The following PRKN variants were observed in gnomAD, a reference collection of about 807,000 sequenced individuals.
PRKN encodes parkin RBR E3 ubiquitin protein ligase, also known as E3 ubiquitin-protein ligase parkin.
Under a neutral mutation model 59.5 loss-of-function variants are expected in PRKN, and 56 were observed. The observed-to-expected ratio is 0.94, with a 90% CI of 0.76 to 1.18. The LOEUF (loss-of-function observed/expected upper bound fraction) is 1.18, where lower values mean the gene tolerates loss of function less well. Ranked by LOEUF, PRKN falls within the 50% of genes most tolerant of loss-of-function variation. The pLI is 0.00. For missense variants in PRKN, 657 were observed against 596.4 expected (o/e 1.10, Z -1.06); for synonymous variants, 250 against 222.1 (o/e 1.13, Z -1.12).
At position 161,379,417 on chromosome 6, in the gene PRKN, T is replaced by C. The variant is rs1440259443; in HGVS notation, c.1167+7377A>G. Among the ~76,000 whole-genome samples, 11 of 152,154 alleles carry C rather than the reference T, an allele frequency of 7.2e-5. No homozygotes were observed. Among genetic ancestry groups the C allele is most frequent in the Non-Finnish European group, 1.5e-4 (10 of 68,010 alleles). On this transcript the variant is annotated intron_variant, in intron 10 of 11. Coordinates refer to ENST00000366898, the MANE Select transcript of PRKN (RefSeq NM_004562.3). The surrounding 1 kb of genome is among the most constrained non-coding windows in gnomAD (Gnocchi z 4.9). ...ATAGTTTACCCTGCTAACCTTCCAT[T>C]TGTACATTTCTCCAGTCTCTCTCAT... is the stretch of plus-strand genomic sequence containing the variant.
chr6:162,113,855 G>A lies in PRKN; in HGVS notation c.535-59681C>T, dbSNP rs935225276. Reference sequence around the variant, plus strand: ...GGGTTTTTATGGTTTTAGGTCTAACGTTTAAGTCTTTAATCCATCTTGAAT... The same window carrying A: ...GGGTTTTTATGGTTTTAGGTCTAACATTTAAGTCTTTAATCCATCTTGAAT... On this transcript the variant is annotated intron_variant, in intron 4 of 11. Transcript: ENST00000366898. Among the ~76,000 whole-genome samples, 36 of 151,936 alleles carry A rather than the reference G, an allele frequency of 2.4e-4. 1 individual carries two copies. Among genetic ancestry groups the A allele is most frequent in the African/African-American group, 4.1e-4 (17 of 41,356 alleles).
chr6:162,492,604 G>T (rs923084192), intron 1 of PRKN, among the ~76,000 whole-genome samples: 1 of 152,020 alleles, frequency 6.6e-6, no homozygotes, highest in African/African-American at 2.4e-5. Context: ...GTCCAGACCA[G>T]CCTGGCATGG....
At chr6:161,946,287 C>T in intron 6 of PRKN, among the ~76,000 whole-genome samples, 1 of 151,844 alleles carries the variant, frequency 6.6e-6, no homozygotes, top group Non-Finnish European at 1.5e-5. Context: ...TAATTTATTT[C>T]CCTAGAAGAG....
At chr6:162,723,916 C>T (rs1332754140) in intron 1 of PRKN, among the ~76,000 whole-genome samples, 2 of 152,090 alleles carry the variant, frequency 1.3e-5, no homozygotes, top group Non-Finnish European at 2.9e-5. Context: ...CTAAGTGAAA[C>T]AAGGTATAGA....
intron 5 of PRKN, among the ~76,000 whole-genome samples, chr6:162,004,952 A>G (rs535053869): frequency 6.6e-6 from 1 of 152,350 alleles, no homozygotes; most frequent in South Asian, 2.1e-4. Context: ...GCAAAATACT[A>G]AACATATACA....
At chr6:162,052,370 T>G (rs2128284981) in intron 5 of PRKN, among the ~76,000 whole-genome samples, 1 of 152,302 alleles carries the variant, frequency 6.6e-6, no homozygotes, top group South Asian at 2.1e-4. Flanking sequence ...CTTTTATTTT[T>G]TAAACATATT....
chr6:162,115,668 G>C (rs189353056), intron 4 of PRKN, among the ~76,000 whole-genome samples: 23 of 151,802 alleles, frequency 1.5e-4, no homozygotes, highest in Admixed American at 1.4e-3. Flanking sequence ...CCAAATCAGA[G>C]GCCTTGAGTG....
chr6:162,364,078 C>T (rs1273785016), intron 2 of PRKN, among the ~76,000 whole-genome samples: 2 of 152,220 alleles, frequency 1.3e-5, no homozygotes, highest in African/African-American at 4.8e-5. Flanking sequence ...CCCCAAGACT[C>T]ACGTCTTCCA....
chr6:162,582,070 T>G (rs1156700076), intron 1 of PRKN, among the ~76,000 whole-genome samples: 1 of 152,188 alleles, frequency 6.6e-6, no homozygotes, highest in Non-Finnish European at 1.5e-5. Flanking sequence ...GTCAAGTCAT[T>G]TAAATTCCCT....
chr6:161,659,473 C>A (rs1211980996), intron 7 of PRKN, among the ~76,000 whole-genome samples: 1 of 152,120 alleles, frequency 6.6e-6, no homozygotes, highest in African/African-American at 2.4e-5. Context: ...GAGATTGAAG[C>A]ACAGAGCTTT....
At chr6:161,965,671 A>G (rs1256549352) in intron 6 of PRKN, among the ~76,000 whole-genome samples, 1 of 152,126 alleles carries the variant, frequency 6.6e-6, no homozygotes, top group Non-Finnish European at 1.5e-5. Flanking sequence ...GGCATGAGAC[A>G]TCAATCAAAC....
At chr6:162,305,545 A>G (rs1782182510) in intron 2 of PRKN, among the ~76,000 whole-genome samples, 1 of 152,160 alleles carries the variant, frequency 6.6e-6, no homozygotes, top group Non-Finnish European at 1.5e-5. Context: ...CTTTTAGACC[A>G]TGGGTCCAAA....
intron 2 of PRKN, among the ~76,000 whole-genome samples, chr6:162,376,925 G>C (rs1693725425): frequency 6.6e-6 from 1 of 151,666 alleles, no homozygotes; most frequent in Admixed American, 6.6e-5. Context: ...CGAGGAGAGA[G>C]GAGGAGGAAG....
intron 6 of PRKN, among the ~76,000 whole-genome samples, chr6:161,876,144 C>A (rs1195319905): frequency 4.0e-5 from 6 of 151,860 alleles, no homozygotes; most frequent in Admixed American, 3.3e-4. Flanking sequence ...AGTTACCAAA[C>A]AAATATAAAT....
intron 5 of PRKN, among the ~76,000 whole-genome samples, chr6:162,044,661 C>T (rs1436527927): frequency 6.6e-6 from 1 of 152,128 alleles, no homozygotes. Context: ...AGCAAGTGGC[C>T]AGTAGGATTA....
At chr6:162,614,062 G>A (rs1782298675) in intron 1 of PRKN, among the ~76,000 whole-genome samples, 1 of 152,124 alleles carries the variant, frequency 6.6e-6, no homozygotes, top group African/African-American at 2.4e-5. Context: ...TATGTATTCT[G>A]TAAATTATTT....
intron 5 of PRKN, among the ~76,000 whole-genome samples, chr6:162,034,186 T>TATAGAGAGAGAGAGAGAG (rs1349695864): frequency 1.5e-5 from 2 of 133,300 alleles, no homozygotes; most frequent in African/African-American, 5.9e-5. Flanking sequence ...TATATATATA[T>TATAGAGAGAGAGAGAGAG]AGAGAGAGAG....
intron 7 of PRKN, among the ~76,000 whole-genome samples, chr6:161,665,847 C>A (rs1419165511): frequency 6.6e-6 from 1 of 152,194 alleles, no homozygotes; most frequent in Non-Finnish European, 1.5e-5. Context: ...CTCTCAGCAG[C>A]CCCAAGGCAT....
rs115415590 is a variant in PRKN, at chr6:162,175,635, G to A, written c.534+25496C>T. On this transcript the variant is annotated intron_variant, in intron 4 of 11. Transcript: ENST00000366898. ...ACACAGGTAACATATGACCTACAGA[G>A]CTGCAGAGGATCTGTCTGCTTAGTG... Among the ~76,000 whole-genome samples, 1,032 of 152,280 alleles carry A rather than the reference G, an allele frequency of 6.8e-3. 13 individuals carry two copies. The highest frequency in any genetic ancestry group is 0.024 in the African/African-American group (999 of 41,546).
Sources: gnomAD v4.1 joint callset for allele counts (sites outside exome capture counted in the v4.1 genomes callset) on GRCh38, gnomAD v4.1.1 for gene constraint, Gnocchi (gnomAD v3.1) non-coding constraint, MANE v1.5 for transcripts, NCBI Gene and HGNC (gene_info 2026-07-23, HGNC 2026-07-21) for gene names.